The following CDH18 variants were observed in gnomAD, a reference collection of about 807,000 sequenced individuals.
CDH18 encodes cadherin-18.
CDH18 carries 31 observed loss-of-function variants against 67.9 expected under a neutral mutation model. The ratio of observed to expected loss-of-function variants is 0.46; its 90% CI spans 0.34 to 0.62. CDH18 has a LOEUF of 0.62. Among genes scored for constraint, CDH18 ranks in the 20% least tolerant of loss-of-function variants. The pLI, the probability that CDH18 is intolerant of heterozygous loss-of-function variation, is 0.01. For missense variants in CDH18, 890 were observed against 975.5 expected, an observed-to-expected ratio of 0.91 and a Z score of 1.17; for synonymous variants, 362 against 347.2, an observed-to-expected ratio of 1.04 and a Z score of -0.48.
chr5:19,707,749 C>G (rs145728211), intron 5 of CDH18, among the ~76,000 whole-genome samples: 1 of 152,126 alleles, frequency 6.6e-6, no homozygotes, highest in Non-Finnish European at 1.5e-5. Context: ...TGAGGCATAC[C>G]ACATCAAAAA....
chr5:19,476,396 C>T (rs924870604), intron 12 of CDH18, among the ~76,000 whole-genome samples: 3 of 151,990 alleles, frequency 2.0e-5, no homozygotes, highest in South Asian at 2.1e-4. Flanking sequence ...TTCCCATATA[C>T]GTTGCCTATA....
At chr5:19,599,731 T>C (rs1324209916) in intron 6 of CDH18, among the ~76,000 whole-genome samples, 1 of 151,872 alleles carries the variant, frequency 6.6e-6, no homozygotes, top group Non-Finnish European at 1.5e-5. Context: ...TGAAACCCCA[T>C]CTCTACTAAA....
At chr5:19,510,152 G>A (rs536375193) in intron 10 of CDH18, among the ~76,000 whole-genome samples, 3 of 152,114 alleles carry the variant, frequency 2.0e-5, no homozygotes, top group Non-Finnish European at 4.4e-5. Flanking sequence ...TCAGAAAACT[G>A]ATTTCGCCAA....
intron 3 of CDH18, among the ~76,000 whole-genome samples, chr5:19,781,002 G>C (rs906921741): frequency 6.6e-6 from 1 of 152,064 alleles, no homozygotes; most frequent in South Asian, 2.1e-4. Context: ...TAAAACGCCT[G>C]TAGAAGCAAA....
At chr5:20,514,940 T>A (rs1373686568) in intron 1 of CDH18, among the ~76,000 whole-genome samples, 1 of 152,052 alleles carries the variant, frequency 6.6e-6, no homozygotes, top group Non-Finnish European at 1.5e-5. Context: ...GGCTATTTCC[T>A]ACTCCTAAAC....
intron 1 of CDH18, among the ~76,000 whole-genome samples, chr5:20,415,310 T>C (rs1325637557): frequency 6.6e-6 from 1 of 151,234 alleles, no homozygotes; most frequent in Non-Finnish European, 1.5e-5. Flanking sequence ...TTGCTGGAAC[T>C]TGGGAGGCGG....
At chr5:20,047,750 G>A (rs983636991) in intron 2 of CDH18, among the ~76,000 whole-genome samples, 1 of 151,756 alleles carries the variant, frequency 6.6e-6, no homozygotes, top group Non-Finnish European at 1.5e-5. Context: ...CCTTACAGAT[G>A]TGAAAAGTCC....
intron 1 of CDH18, among the ~76,000 whole-genome samples, chr5:20,491,706 A>G (rs953044013): frequency 1.5e-4 from 23 of 152,158 alleles, no homozygotes; most frequent in African/African-American, 5.3e-4. Context: ...AGGCCCACCT[A>G]CAATTATAGA....
intron 2 of CDH18, among the ~76,000 whole-genome samples, chr5:20,090,892 G>T (rs1026380987): frequency 2.0e-5 from 3 of 151,328 alleles, no homozygotes; most frequent in African/African-American, 7.3e-5. Context: ...AAATATAAAA[G>T]AAAATAATTA....
chr5:19,565,679 T>C (rs995459712), intron 8 of CDH18, among the ~76,000 whole-genome samples: 1 of 152,182 alleles, frequency 6.6e-6, no homozygotes, highest in African/African-American at 2.4e-5. Context: ...ATACACATAA[T>C]TGAAACCAGA....
chr5:20,517,711 C>T (rs1755465440), intron 1 of CDH18, among the ~76,000 whole-genome samples: 1 of 151,790 alleles, frequency 6.6e-6, no homozygotes, highest in Non-Finnish European at 1.5e-5. Flanking sequence ...ATTCTAATTT[C>T]CTAAAAGTGG....
chr5:19,672,815 T>A (rs558001099), intron 5 of CDH18, among the ~76,000 whole-genome samples: 1 of 152,048 alleles, frequency 6.6e-6, no homozygotes, highest in Non-Finnish European at 1.5e-5. Context: ...GTGATAGAAA[T>A]ATTGTCAATA....
chr5:19,869,916 T>C (rs887133519), intron 2 of CDH18, among the ~76,000 whole-genome samples: 1 of 152,112 alleles, frequency 6.6e-6, no homozygotes, highest in African/African-American at 2.4e-5. Context: ...ATATCAACAT[T>C]GCAATTTCAA....
chr5:19,702,098 C>T (rs1334986788), intron 5 of CDH18, among the ~76,000 whole-genome samples: 7 of 150,990 alleles, frequency 4.6e-5, no homozygotes, highest in South Asian at 4.2e-4. Flanking sequence ...CCTGTGTTGC[C>T]GAAGCTCCCC....
intron 3 of CDH18, among the ~76,000 whole-genome samples, chr5:19,747,769 G>A (rs946741434): frequency 2.7e-5 from 4 of 150,232 alleles, no homozygotes; most frequent in Admixed American, 2.7e-4. Flanking sequence ...AAAAAAAAAT[G>A]AAATCACCTC....
chr5:19,915,754 T>A lies in CDH18; in HGVS notation c.-257+65306A>T, dbSNP rs76449995. 2.6e-5 allele frequency among the ~76,000 whole-genome samples: 4 copies of A among 151,094 alleles called. No individual in the cohort carries two copies. The East Asian group carries it at 5.8e-4, about 22-fold the overall frequency. ...GCAACATAGATAGATGGATAGGTGT[T>A]TTTTTTTTCTTTTAATTTTCTTTTA... On this transcript the variant is annotated intron_variant, in intron 2 of 12. Coordinates refer to ENST00000382275, the MANE Select transcript of CDH18 (RefSeq NM_004934.5).
At chr5:19,937,772 A>G (rs1179701769) in intron 2 of CDH18, among the ~76,000 whole-genome samples, 4 of 151,062 alleles carry the variant, frequency 2.6e-5, no homozygotes, top group African/African-American at 9.7e-5. Flanking sequence ...TCCTTGAAGA[A>G]CAAAAAAATT....
chr5:20,514,306 G>T (rs551758070), intron 1 of CDH18, among the ~76,000 whole-genome samples: 9 of 152,164 alleles, frequency 5.9e-5, no homozygotes, highest in East Asian at 1.9e-4. Flanking sequence ...GAGGTAAGCG[G>T]TGTGTACAGA....
At chr5:20,137,432 T>A (rs765820890) in intron 2 of CDH18, among the ~76,000 whole-genome samples, 3 of 152,160 alleles carry the variant, frequency 2.0e-5, no homozygotes, top group Non-Finnish European at 4.4e-5. Flanking sequence ...TTCAGCTCCA[T>A]CAGGTCATTT....
Sources: allele counts gnomAD v4.1 joint callset (sites outside exome capture counted in the v4.1 genomes callset), GRCh38; gene constraint gnomAD v4.1.1; transcripts MANE v1.5; gene names NCBI Gene and HGNC (gene_info 2026-07-23, HGNC 2026-07-21).